COX17: variants seen among roughly 807,000 people sequenced by gnomAD.
COX17 encodes cytochrome c oxidase copper chaperone COX17.
A neutral mutation model predicts 6.3 loss-of-function variants in COX17; 1 was observed. That is an observed-to-expected ratio of 0.16 (90% CI 0.06 to 0.75). The LOEUF is 0.75. COX17 is among the 30% of genes least tolerant of loss of function. COX17 has a pLI of 0.77. For missense variants in COX17, 73 were observed against 81.2 expected (o/e 0.90, Z 0.39); for synonymous variants, 26 against 30.5 (o/e 0.85, Z 0.49).
intron 2 of COX17, chr3:119,674,482 G>A (rs559851494): frequency 6.6e-6 from 1 of 152,258 alleles, no homozygotes; most frequent in South Asian, 2.1e-4. Flanking sequence ...ACTTCCGTGG[G>A]ATACCCACTC....
At chr3:119,666,202 C>G (rs780740748), downstream of COX17, among the ~76,000 whole-genome samples, 5 of 152,130 alleles carry the variant, frequency 3.3e-5, no homozygotes, top group Non-Finnish European at 7.3e-5. Flanking sequence ...ATTACTGGTC[C>G]ATAAAAATAC....
chr3:119,677,028 G>A (rs867217884), intron 1 of COX17, 176 bp downstream of exon 1: 1 of 558,298 alleles, frequency 1.8e-6, no homozygotes, highest in South Asian at 1.8e-5. Flanking sequence ...CGGGGCGGGG[G>A]GGGGGGGCAG....
At chr3:119,670,518 T>C (rs910996380) in intron 2 of COX17, among the ~76,000 whole-genome samples, 1 of 152,204 alleles carries the variant, frequency 6.6e-6, no homozygotes, top group Non-Finnish European at 1.5e-5. Flanking sequence ...GCCCATAGCA[T>C]TGTTACGACT....
chr3:119,673,057 T>C (rs1577179738), intron 2 of COX17, among the ~76,000 whole-genome samples: 1 of 152,184 alleles, frequency 6.6e-6, no homozygotes, highest in African/African-American at 2.4e-5. Context: ...TACTAATATA[T>C]TGGCATATGG....
intron 1 of COX17, among the ~76,000 whole-genome samples, chr3:119,676,344 ACT>A (rs1405880039): frequency 6.6e-6 from 1 of 152,132 alleles, no homozygotes; most frequent in Non-Finnish European, 1.5e-5. Flanking sequence ...GAGCTCCTAC[ACT>A]CTTATTATCC....
At chr3:119,675,680 CCAG>C in intron 1 of COX17, 1 of 153,888 alleles carries the variant, frequency 6.5e-6, no homozygotes, top group African/African-American at 2.4e-5. Context: ...CATCTGGTAG[CCAG>C]GAGACCGAGA....
downstream of COX17, among the ~76,000 whole-genome samples, chr3:119,667,821 T>A (rs1329716724): frequency 6.6e-6 from 1 of 152,006 alleles, no homozygotes; most frequent in East Asian, 1.9e-4. Context: ...ATGTTTCCAT[T>A]AAACCAACCA....
intron 2 of COX17, among the ~76,000 whole-genome samples, chr3:119,671,767 T>C (rs2053046584): frequency 6.6e-6 from 1 of 152,228 alleles, no homozygotes; most frequent in Non-Finnish European, 1.5e-5. Context: ...GCCTGTGATT[T>C]AGAGAATATA....
intron 2 of COX17, among the ~76,000 whole-genome samples, chr3:119,674,098 C>T (rs971143760): frequency 2.6e-5 from 4 of 150,998 alleles, no homozygotes; most frequent in Non-Finnish European, 5.9e-5. Context: ...TGCCCAGCTG[C>T]CGCCCTGTCT....
chr3:119,672,575 C>T (rs1198090898), intron 2 of COX17, among the ~76,000 whole-genome samples: 1 of 152,132 alleles, frequency 6.6e-6, no homozygotes, highest in Non-Finnish European at 1.5e-5. Flanking sequence ...GTTAAGGTTG[C>T]ATCTTTAAAA....
At chr3:119,670,107 C>T (rs1386755486) in intron 2 of COX17, among the ~76,000 whole-genome samples, 1 of 152,126 alleles carries the variant, frequency 6.6e-6, no homozygotes, top group Non-Finnish European at 1.5e-5. Context: ...AGCTCAGTAC[C>T]CAAGGCACTT....
chr3:119,674,876 C>A (rs1006010505), intron 2 of COX17: 16 of 353,190 alleles, frequency 4.5e-5, no homozygotes, highest in African/African-American at 3.3e-4. Context: ...TCTTTTAGTT[C>A]CCTCAGTCAA....
chr3:119,675,319 C>G, intron 1 of COX17, 86 bp from the exon 2 acceptor site: 3 of 927,264 alleles, frequency 3.2e-6, no homozygotes, highest in Non-Finnish European at 5.3e-6. Flanking sequence ...TGAGACAAAA[C>G]ACGGGTATAA....
At position 119,677,355 on chromosome 3, in the gene COX17, G is replaced by A. The variant is rs1262994890; in HGVS notation, c.-45C>T. On this transcript the variant is annotated 5_prime_UTR_variant, in exon 1 of 3. Coordinates refer to ENST00000261070, the MANE Select transcript of COX17 (RefSeq NM_005694.2). ...TATGAGCGGAGACAGCCAAATCTAT[G>A]CCAGCCTCGGCAAACGCCGATTCGT... 1.3e-6 allele frequency: 2 copies of A among 1,509,754 alleles called. No individual in the cohort carries two copies. The highest frequency in any genetic ancestry group is 1.8e-5 in the Admixed American group (1 of 56,868). 93.5% of individuals were successfully genotyped at this position (1,509,754 alleles called of 1,614,324 possible). A position where few individuals can be genotyped will look rare whatever the true frequency, so the allele number is the denominator to read the frequency against.
downstream of COX17, among the ~76,000 whole-genome samples, chr3:119,668,041 C>T (rs1367348584): frequency 6.6e-6 from 1 of 151,926 alleles, no homozygotes; most frequent in Non-Finnish European, 1.5e-5. Flanking sequence ...TATACATAGT[C>T]AATACAAATG....
Position 119,672,808 on chromosome 3 carries a change from G to A in COX17, c.*4+2337C>T, listed in dbSNP as rs115997546. Among the ~76,000 whole-genome samples the A allele has an allele frequency of 1.6e-3, 248 of 152,298 alleles. 3 individuals are homozygous for A. The highest frequency in any genetic ancestry group is 5.6e-3 in the African/African-American group (233 of 41,554). ...AATAAGTGAAATTCAGAGGAGTAAT[G>A]TCTTGATGAAGCTAAATGTAGCTAA... On this transcript the variant is annotated intron_variant, in intron 2 of 2. Transcript: ENST00000261070.
chr3:119,668,172 T>A (rs747091837), downstream of COX17, among the ~76,000 whole-genome samples: 1 of 152,152 alleles, frequency 6.6e-6, no homozygotes, highest in Non-Finnish European at 1.5e-5. Flanking sequence ...AAAAAATGTA[T>A]AAAGGCATAG....
intron 3 of COX17, among the ~76,000 whole-genome samples, chr3:119,664,064 A>C (rs778551011): frequency 1.2e-4 from 19 of 152,254 alleles, no homozygotes; most frequent in Admixed American, 3.9e-4. Flanking sequence ...AAGATGAATA[A>C]GACAATTATC....
In COX17 at chr3:119,677,089, AGGCAGAG is replaced by A. The variant is rs376284865; in HGVS notation, c.107+108_107+114del. ...GGGAAGGAAGAGGGCAGAGGGCAGA[AGGCAGAG>A]GGCAGAGGGCAGAAGGCAGAGGGCA... is the stretch of plus-strand genomic sequence containing the variant. On this transcript the variant is annotated intron_variant, in intron 1 of 2. Transcript: ENST00000261070. 4,879 of 576,466 alleles carry A rather than the reference AGGCAGAG, an allele frequency of 8.5e-3. 152 individuals are homozygous for A. The highest frequency in any genetic ancestry group is 0.077 in the African/African-American group (3,922 of 51,228). 35.7% of individuals were successfully genotyped at this position (576,466 alleles called of 1,614,324 possible).
Sources: gnomAD v4.1 joint callset for allele counts (sites outside exome capture counted in the v4.1 genomes callset) on GRCh38, gnomAD v4.1.1 for gene constraint, MANE v1.5 for transcripts, NCBI Gene and HGNC (gene_info 2026-07-23, HGNC 2026-07-21) for gene names.